The following GRIN2B variants were observed in gnomAD, a reference collection of about 807,000 sequenced individuals.
GRIN2B encodes the protein glutamate receptor ionotropic, NMDA 2B.
In GRIN2B, 5 loss-of-function variants were observed where a neutral mutation model predicts 114.5. That is an observed-to-expected ratio of 0.04 (90% CI 0.02 to 0.09). The LOEUF (loss-of-function observed/expected upper bound fraction) is 0.09. Ranked by LOEUF, GRIN2B falls within the 10% of genes least tolerant of loss-of-function variation. GRIN2B has a pLI of 1.00. For synonymous variants in GRIN2B, 787 were observed against 745.1 expected (o/e 1.06, Z -0.92); for missense variants, 1,108 against 1,943.5 (o/e 0.57, Z 8.08).
intron 2 of GRIN2B, among the ~76,000 whole-genome samples, chr12:13,907,160 C>A (rs541835960): frequency 8.5e-5 from 13 of 152,186 alleles, no homozygotes; most frequent in Admixed American, 7.2e-4. Flanking sequence ...TTATATACAA[C>A]AATATGAAAG....
intron 4 of GRIN2B, among the ~76,000 whole-genome samples, chr12:13,703,285 G>A (rs1950328509): frequency 6.6e-6 from 1 of 152,136 alleles, no homozygotes; most frequent in African/African-American, 2.4e-5. Context: ...TGGGCATAAT[G>A]AGAGACCTCT....
At chr12:13,850,652 A>T (rs1013518245) in intron 3 of GRIN2B, among the ~76,000 whole-genome samples, 1 of 152,170 alleles carries the variant, frequency 6.6e-6, no homozygotes, top group Non-Finnish European at 1.5e-5. Context: ...ATCAAGGTCA[A>T]CTGGGAAAGG....
At chr12:13,822,473 T>A (rs994005672) in intron 3 of GRIN2B, among the ~76,000 whole-genome samples, 1 of 152,098 alleles carries the variant, frequency 6.6e-6, no homozygotes. Context: ...AGATGCAGTG[T>A]GCCAATGAAG....
In GRIN2B at chr12:13,782,245, T is replaced by C. The variant is rs142769270; in HGVS notation, c.412-28330A>G. Among the ~76,000 whole-genome samples the C allele has an allele frequency of 1.2e-4, 18 of 151,724 alleles. No individual in the cohort carries two copies. In the East Asian group the frequency reaches 3.5e-3, roughly 29 times the overall value. ...TTTTCAGTTCTCCTGACAATGGGGG[T>C]CACACAGGGGAAAGGAAAAAAGGTG... On this transcript the variant is annotated intron_variant, in intron 3 of 13. Transcript: ENST00000609686.
chr12:13,849,734 C>T (rs1312395467), intron 3 of GRIN2B, among the ~76,000 whole-genome samples: 1 of 152,186 alleles, frequency 6.6e-6, no homozygotes, highest in Non-Finnish European at 1.5e-5. Flanking sequence ...AGCATATGGC[C>T]TGTTCCCATC....
At position 13,981,598 on chromosome 12, in the gene GRIN2B, G is replaced by C. The variant is rs1863139962; in HGVS notation, c.-704C>G. The C allele has an allele frequency of 6.7e-6, 1 of 149,882 alleles. No homozygotes were observed. Among genetic ancestry groups the C allele is most frequent in the African/African-American group, 2.5e-5 (1 of 40,746 alleles). The allele number at this position is 149,882 out of a possible 1,614,324, so 9.3% of individuals were successfully genotyped here. A position where few individuals can be genotyped will look rare whatever the true frequency, so the allele number is the denominator to read the frequency against. On this transcript the variant is annotated 5_prime_UTR_variant, in exon 1 of 14. Transcript: ENST00000609686. ...TTTCCTAGAGGTGAAGAAGCCGGAG[G>C]AAGTGGTTTTTGAAAGGGGGTGGGG... is the stretch of plus-strand genomic sequence containing the variant.
In GRIN2B at chr12:13,571,864, G is replaced by A. The variant is rs2136415760; in HGVS notation, c.2111C>T (p.Ala704Val). 6.2e-7 allele frequency: 1 copy of A among 1,613,806 alleles called. No homozygotes were observed. Among genetic ancestry groups the A allele is most frequent in the Non-Finnish European group, 8.5e-7 (1 of 1,179,670 alleles). The change falls in exon 11 of 14, where the codon GCC becomes GTC. Residue 704 changes from alanine to valine, a missense_variant. Ala to Val is a moderately conservative substitution (Grantham distance 64, BLOSUM62 0). Around this residue, in one of 19 missense-constraint regions of GRIN2B, gnomAD observed 35 missense variants for 194.7 expected, o/e 0.18. Transcript: ENST00000609686. The part of the protein sequence containing the change: ...NIRNNYAEMH[A>V]YMGKFNQRGV... ...CCTCTGGTTGAACTTTCCCATGTAG[G>A]CATGCATTTCTGCATAGTTATTGCG...
chr12:13,746,557 C>T (rs1863387108), intron 4 of GRIN2B, among the ~76,000 whole-genome samples: 1 of 152,210 alleles, frequency 6.6e-6, no homozygotes, highest in South Asian at 2.1e-4. Context: ...TTAAATGTAA[C>T]TCTTTCCCCA....
At position 13,808,752 on chromosome 12, in the gene GRIN2B, AATAT is replaced by A. The variant is rs10548365; in HGVS notation, c.412-54841_412-54838del. 8.6e-4 allele frequency among the ~76,000 whole-genome samples: 95 copies of A among 109,892 alleles called. 2 individuals are homozygous for A. Among genetic ancestry groups the A allele is most frequent in the Non-Finnish European group, 1.2e-3 (62 of 50,286 alleles). 72.1% of individuals were successfully genotyped at this position (109,892 alleles called of 152,430 possible). A position where few individuals can be genotyped will look rare whatever the true frequency, so the allele number is the denominator to read the frequency against. ...AGAACTTAAAGTATAATAAAAAAAA[AATAT>A]ATATATATATATATACATATAAAAT... On this transcript the variant is annotated intron_variant, in intron 3 of 13. Coordinates refer to ENST00000609686, the MANE Select transcript of GRIN2B (RefSeq NM_000834.5).
intron 3 of GRIN2B, among the ~76,000 whole-genome samples, chr12:13,783,939 C>G (rs865810042): frequency 6.6e-6 from 1 of 151,944 alleles, no homozygotes; most frequent in African/African-American, 2.4e-5. Flanking sequence ...AAAAACATAT[C>G]CCGGCCGGGC....
At chr12:13,605,554 C>CTCTCTG (rs1404110204) in intron 10 of GRIN2B, among the ~76,000 whole-genome samples, 40 of 147,330 alleles carry the variant, frequency 2.7e-4, no homozygotes, top group South Asian at 6.6e-4. Flanking sequence ...CTCTCTCTGA[C>CTCTCTG]ACACACACAC....
intron 5 of GRIN2B, among the ~76,000 whole-genome samples, chr12:13,634,520 G>A (rs1362380278): frequency 6.6e-6 from 1 of 152,138 alleles, no homozygotes; most frequent in Non-Finnish European, 1.5e-5. Context: ...TCCAACTAGC[G>A]AGAGACAAAA....
chr12:13,767,437 G>A (rs78815707), intron 3 of GRIN2B, among the ~76,000 whole-genome samples: 3,145 of 152,084 alleles, frequency 0.021, 110 homozygotes, highest in African/African-American at 0.073. Context: ...TTTTCTTACT[G>A]ATGAATCAAG....
chr12:13,818,186 C>T lies in GRIN2B; in HGVS notation c.411+47612G>A, dbSNP rs529152375. Among the ~76,000 whole-genome samples, 12 of 152,264 alleles carry T rather than the reference C, an allele frequency of 7.9e-5. No homozygotes were observed. The South Asian group carries it at 2.5e-3, about 32-fold the overall frequency. On this transcript the variant is annotated intron_variant, in intron 3 of 13. Coordinates refer to ENST00000609686, the MANE Select transcript of GRIN2B (RefSeq NM_000834.5). ...AATGAATGCAATAATATTTGCAAGGCATTTCAATATTCTAAACAGGAAAAG... is the reference window on the plus strand; with the variant it reads ...AATGAATGCAATAATATTTGCAAGGTATTTCAATATTCTAAACAGGAAAAG...
chr12:13,895,993 G>A (rs117429859), intron 2 of GRIN2B, among the ~76,000 whole-genome samples: 1,826 of 152,212 alleles, frequency 0.012, 10 homozygotes, highest in Non-Finnish European at 0.018. Context: ...GTGTGCATAC[G>A]ATAGTATATC....
chr12:13,682,225 T>C (rs569983914), intron 4 of GRIN2B, among the ~76,000 whole-genome samples: 23 of 152,316 alleles, frequency 1.5e-4, no homozygotes, highest in Admixed American at 4.6e-4. Flanking sequence ...TGGTCAACAA[T>C]GTCCTCTTTT....
intron 2 of GRIN2B, among the ~76,000 whole-genome samples, chr12:13,941,342 T>C (rs1867247927): frequency 2.0e-5 from 3 of 152,146 alleles, no homozygotes; most frequent in African/African-American, 7.2e-5. Flanking sequence ...CAGAAAGTTG[T>C]CCCAGAAGAA....
At chr12:13,811,337 AC>A (rs951879471) in intron 3 of GRIN2B, among the ~76,000 whole-genome samples, 38 of 152,120 alleles carry the variant, frequency 2.5e-4, no homozygotes, top group African/African-American at 8.7e-4. Context: ...GTTTCGGTTT[AC>A]TTTAGGAAGC....
At chr12:13,848,898 T>G (rs1257345845) in intron 3 of GRIN2B, among the ~76,000 whole-genome samples, 2 of 152,164 alleles carry the variant, frequency 1.3e-5, no homozygotes, top group African/African-American at 4.8e-5. Flanking sequence ...ACCACTGAAC[T>G]GGTTTCCCTT....
Sources: gnomAD v4.1 joint callset for allele counts (sites outside exome capture counted in the v4.1 genomes callset) on GRCh38, gnomAD v4.1.1 for gene constraint, gnomAD v4.1.1 regional missense constraint, MANE v1.5 for transcripts, NCBI Gene and HGNC (gene_info 2026-07-23, HGNC 2026-07-21) for gene names.